Variants in CACNA2D3 observed in about 807,000 individuals in gnomAD.
The protein encoded by CACNA2D3 is calcium voltage-gated channel auxiliary subunit alpha2delta 3, also known as voltage-dependent calcium channel subunit alpha-2/delta-3.
In CACNA2D3, 60 loss-of-function variants were observed where a neutral mutation model predicts 160.6. The ratio of observed to expected loss-of-function variants is 0.37; its 90% confidence interval spans 0.30 to 0.46. The LOEUF (loss-of-function observed/expected upper bound fraction) is 0.46, where lower values mean the gene tolerates loss of function less well. Among genes scored for constraint, CACNA2D3 ranks in the 20% least tolerant of loss-of-function variants. The pLI is 1.00. For synonymous variants in CACNA2D3, 558 were observed against 492.9 expected (o/e 1.13, Z -1.75); for missense variants, 1,205 against 1,365.0 (o/e 0.88, Z 1.85).
At chr3:54,878,124 T>C (rs1699707273) in intron 18 of CACNA2D3, among the ~76,000 whole-genome samples, 1 of 152,186 alleles carries the variant, frequency 6.6e-6, no homozygotes, top group South Asian at 2.1e-4. Flanking sequence ...TTTAGGTTGC[T>C]TGCTAGTGTT....
At chr3:54,588,621 CA>C (rs1366279043) in intron 9 of CACNA2D3, among the ~76,000 whole-genome samples, 2 of 152,004 alleles carry the variant, frequency 1.3e-5, no homozygotes, top group African/African-American at 4.8e-5. Flanking sequence ...TATACAAGAT[CA>C]ACACAAAAAC....
At chr3:54,813,651 G>A (rs1424897238) in intron 13 of CACNA2D3, among the ~76,000 whole-genome samples, 1 of 152,022 alleles carries the variant, frequency 6.6e-6, no homozygotes, top group South Asian at 2.1e-4. Flanking sequence ...AACAAGGGAA[G>A]TACCAGTCAC....
intron 29 of CACNA2D3, among the ~76,000 whole-genome samples, chr3:54,977,810 A>G (rs1194478119): frequency 6.6e-6 from 1 of 152,236 alleles, no homozygotes; most frequent in African/African-American, 2.4e-5. Flanking sequence ...GAATTCATGG[A>G]AAGTCCACAG....
intron 4 of CACNA2D3, among the ~76,000 whole-genome samples, chr3:54,401,051 A>C (rs530146793): frequency 6.6e-6 from 1 of 152,196 alleles, no homozygotes; most frequent in Non-Finnish European, 1.5e-5. Context: ...ATATCATTAA[A>C]AAGAACCAAA....
At chr3:54,417,065 G>A (rs767613716) in intron 4 of CACNA2D3, among the ~76,000 whole-genome samples, 11 of 152,130 alleles carry the variant, frequency 7.2e-5, no homozygotes, top group South Asian at 4.1e-4. Context: ...AGGCATAATC[G>A]GCTTCTAAGG....
chr3:54,374,197 G>A (rs908607592), intron 3 of CACNA2D3, among the ~76,000 whole-genome samples: 5 of 152,164 alleles, frequency 3.3e-5, no homozygotes, highest in African/African-American at 1.2e-4. Flanking sequence ...GAAGTGCTGC[G>A]GTTGCAGGAA....
rs767389733 is a variant in CACNA2D3, at chr3:54,746,233, C to T, written c.1168-6366C>T. 1.3e-4 allele frequency among the ~76,000 whole-genome samples: 20 copies of T among 152,236 alleles called. 1 individual carries two copies. The Middle Eastern group carries it at 0.014, about 104-fold the overall frequency. On this transcript the variant is annotated intron_variant, in intron 11 of 37. Transcript: ENST00000474759. ...ATCAGGTTCCAACCCTTATCTTCTG[C>T]TTAAAGATTAAGGATTTTATTCAGA...
chr3:54,543,726 A>T (rs898456085), intron 5 of CACNA2D3, among the ~76,000 whole-genome samples: 1 of 152,278 alleles, frequency 6.6e-6, no homozygotes, highest in South Asian at 2.1e-4. Flanking sequence ...AAGATTTTTT[A>T]AAAATACTCT....
At chr3:55,002,014 G>T (rs914735339) in intron 31 of CACNA2D3, among the ~76,000 whole-genome samples, 3 of 152,064 alleles carry the variant, frequency 2.0e-5, no homozygotes, top group Non-Finnish European at 2.9e-5. Context: ...AAATTAGTTG[G>T]GTGTAGTGGC....
chr3:55,007,811 G>A lies in CACNA2D3; in HGVS notation c.2788G>A (p.Ala930Thr). Reference protein sequence around the residue: ...LLDPYNAFLSAVKWIMTELVL... With the variant: ...LLDPYNAFLSTVKWIMTELVL... ...TCAGCCTTATAATGCCTTCCTCTCT[G>A]CAGTAAAATGGATCATGACAGAACT... is the stretch of plus-strand genomic sequence containing the variant. Residue 930 changes from alanine (A) to threonine (T), a missense_variant, in exon 33 of 38, where the codon GCA becomes ACA. Physicochemically the swap from Ala to Thr is moderately conservative, Grantham distance 58 (BLOSUM62 0). Around this residue, in one of 3 missense-constraint regions of CACNA2D3, gnomAD observed 911 missense variants for 1,002.2 expected, o/e 0.91. Coordinates refer to ENST00000474759, the MANE Select transcript of CACNA2D3 (RefSeq NM_018398.3). The A allele has an allele frequency of 6.4e-7, 1 of 1,562,214 alleles. No homozygotes were observed. Among genetic ancestry groups the A allele is most frequent in the Non-Finnish European group, 8.6e-7 (1 of 1,156,786 alleles).
chr3:54,148,834 G>A lies in CACNA2D3; in HGVS notation c.204+25240G>A, dbSNP rs943138790. 5.9e-5 allele frequency among the ~76,000 whole-genome samples: 9 copies of A among 152,026 alleles called. No homozygotes were observed. In the South Asian group the frequency reaches 6.3e-4, roughly 11 times the overall value. ...TCTACTAAAAATACAAAAATTAGCC[G>A]GGTGTGGTGGTGGGCATCTGTAATC... On this transcript the variant is annotated intron_variant, in intron 2 of 37. Coordinates refer to ENST00000474759, the MANE Select transcript of CACNA2D3 (RefSeq NM_018398.3).
intron 9 of CACNA2D3, among the ~76,000 whole-genome samples, chr3:54,624,656 CAT>C (rs748419440): frequency 4.6e-5 from 7 of 152,132 alleles, no homozygotes; most frequent in Non-Finnish European, 1.0e-4. Flanking sequence ...GCTGTGTTAA[CAT>C]GTGTGACTGA....
chr3:54,806,091 A>T (rs1294972714), intron 13 of CACNA2D3, among the ~76,000 whole-genome samples: 1 of 152,228 alleles, frequency 6.6e-6, no homozygotes, highest in Non-Finnish European at 1.5e-5. Context: ...CCCACAGCCA[A>T]TATCATACTG....
At chr3:54,916,728 A>G (rs1053001496) in intron 27 of CACNA2D3, among the ~76,000 whole-genome samples, 11 of 152,210 alleles carry the variant, frequency 7.2e-5, no homozygotes, top group Non-Finnish European at 1.5e-4. Flanking sequence ...GTTTCCCTGC[A>G]TCTATCCCAT....
chr3:54,532,057 T>C (rs2106642322), intron 5 of CACNA2D3, among the ~76,000 whole-genome samples: 1 of 152,336 alleles, frequency 6.6e-6, no homozygotes, highest in South Asian at 2.1e-4. Flanking sequence ...GGTGGCTTTC[T>C]GCCTGACCCT....
chr3:54,752,661 G>A lies in CACNA2D3; in HGVS notation c.1230G>A (p.Met410Ile). Residue 410 changes from methionine to isoleucine, a missense_variant, in exon 12 of 38, where the codon ATG becomes ATA. Physicochemically the swap from Met to Ile is conservative, Grantham distance 10. Coordinates refer to ENST00000474759, the MANE Select transcript of CACNA2D3 (RefSeq NM_018398.3). Reference sequence around the variant, plus strand: ...CGTTTGCAGACAATCTAAAGTGGATGGCCTGTGCCAACAAAGGTGGGTCTT... The same window carrying A: ...CGTTTGCAGACAATCTAAAGTGGATAGCCTGTGCCAACAAAGGTGGGTCTT... ...EAAFADNLKW[M>I]ACANKGFFTQ... is the part of the protein sequence containing the mutation. The A allele has an allele frequency of 1.2e-6, 2 of 1,612,862 alleles. No individual in the cohort carries two copies. Among genetic ancestry groups the A allele is most frequent in the Non-Finnish European group, 1.7e-6 (2 of 1,179,460 alleles).
chr3:54,314,003 C>T (rs2107501862), intron 2 of CACNA2D3, among the ~76,000 whole-genome samples: 1 of 152,008 alleles, frequency 6.6e-6, no homozygotes, highest in East Asian at 1.9e-4. Context: ...ATCACCCAAG[C>T]AGTATACACT....
intron 35 of CACNA2D3, among the ~76,000 whole-genome samples, chr3:55,019,202 G>A (rs904164996): frequency 4.0e-5 from 6 of 150,942 alleles, no homozygotes; most frequent in South Asian, 2.1e-4. Context: ...TATCAATACC[G>A]TATCTCTTTA....
At chr3:54,547,088 T>C (rs1575515589) in intron 5 of CACNA2D3, among the ~76,000 whole-genome samples, 1 of 151,806 alleles carries the variant, frequency 6.6e-6, no homozygotes, top group East Asian at 1.9e-4. Context: ...TAATTTGGCT[T>C]CACTGCTGTT....
Sources: gnomAD v4.1 joint callset for allele counts (sites outside exome capture counted in the v4.1 genomes callset) on GRCh38, gnomAD v4.1.1 for gene constraint, gnomAD v4.1.1 regional missense constraint, MANE v1.5 for transcripts, NCBI Gene and HGNC (gene_info 2026-07-23, HGNC 2026-07-21) for gene names.